Variants in UMODL1 observed in about 807,000 individuals in gnomAD.
UMODL1 encodes the protein uromodulin-like 1.
Under a neutral mutation model 136.3 loss-of-function variants are expected in UMODL1, and 128 were observed. The ratio of observed to expected loss-of-function variants is 0.94; its 90% confidence interval spans 0.81 to 1.09. UMODL1 has a LOEUF of 1.09. Among genes scored for constraint, UMODL1 ranks in the 50% least tolerant of loss-of-function variants. The pLI, the probability that UMODL1 is intolerant of heterozygous loss-of-function variation, is 0.00. For synonymous variants in UMODL1, 721 were observed against 720.0 expected (o/e 1.00, Z -0.02); for missense variants, 1,766 against 1,725.6 (o/e 1.02, Z -0.41).
intron 6 of UMODL1, among the ~76,000 whole-genome samples, chr21:42,098,274 G>GCCTCT (rs1357832115): frequency 1.3e-5 from 2 of 152,176 alleles, no homozygotes. Flanking sequence ...ACACTTGGAT[G>GCCTCT]ACTCCCACCC....
intron 15 of UMODL1, chr21:42,120,759 T>G (rs1370019622): frequency 4.6e-6 from 1 of 219,202 alleles, no homozygotes; most frequent in Non-Finnish European, 8.9e-6. Context: ...CTGGGTCCCT[T>G]GGGCTGGACC....
At chr21:42,068,358 C>T (rs2066200248), upstream of UMODL1, among the ~76,000 whole-genome samples, 1 of 152,172 alleles carries the variant, frequency 6.6e-6, no homozygotes, top group Admixed American at 6.5e-5. The surrounding 1 kb of genome is among the most constrained non-coding windows in gnomAD (Gnocchi z 5.5). Flanking sequence ...TGTTCCCTCC[C>T]CATGCAGGTG....
intron 1 of UMODL1, among the ~76,000 whole-genome samples, chr21:42,065,221 T>C (rs1365053486): frequency 2.0e-5 from 3 of 152,220 alleles, no homozygotes; most frequent in Admixed American, 2.0e-4. Flanking sequence ...CCCTCTGAGT[T>C]TGGCGTCACT....
rs1020683564 is a variant in UMODL1, at chr21:42,084,301, G to A, written c.481+56G>A. On this transcript the variant is annotated intron_variant, in intron 3 of 22. Coordinates refer to ENST00000408910, the MANE Select transcript of UMODL1 (RefSeq NM_001004416.3). ...GGCAGCAAAGGCGGGTCTCGGTGAGGCCTGATCTGTGTGAAGGTGTGGGGG... is the reference window on the plus strand; with the variant it reads ...GGCAGCAAAGGCGGGTCTCGGTGAGACCTGATCTGTGTGAAGGTGTGGGGG... The A allele has an allele frequency of 6.2e-5, 98 of 1,581,984 alleles. No homozygotes were observed. In the African/African-American group the frequency reaches 1.2e-3, roughly 19 times the overall value.
At chr21:42,131,335 C>T (rs576081059) in intron 21 of UMODL1, among the ~76,000 whole-genome samples, 2 of 151,126 alleles carry the variant, frequency 1.3e-5, no homozygotes, top group African/African-American at 2.4e-5. Flanking sequence ...CTGAATGCTG[C>T]TCAGGTCTTG....
At chr21:42,070,897 GTTTTC>G (rs1465856714), upstream of UMODL1, among the ~76,000 whole-genome samples, 3 of 152,230 alleles carry the variant, frequency 2.0e-5, no homozygotes, top group African/African-American at 4.8e-5. Flanking sequence ...ATTTGATGCT[GTTTTC>G]TTCTGCCAGT....
intron 4 of UMODL1, among the ~76,000 whole-genome samples, chr21:42,087,154 T>C (rs955690883): frequency 3.3e-5 from 5 of 152,158 alleles, no homozygotes; most frequent in Admixed American, 1.3e-4. Context: ...CTCGTGCATG[T>C]AGGTTTCATG....
Position 42,084,251 on chromosome 21 carries a change from CT to C in UMODL1, c.481+7del, listed in dbSNP as rs1417853756. 1 of 1,612,452 alleles carries C rather than the reference CT, an allele frequency of 6.2e-7. No homozygotes were observed. The highest frequency in any genetic ancestry group is 2.2e-5 in the East Asian group (1 of 44,828). On this transcript the variant is annotated splice_region_variant and intron_variant, in intron 3 of 22. Transcript: ENST00000408910. ...CATGGCCCCTGCACCCCAAGGTAGG[CT>C]GCTGCGGGCCATGCTTATGGACAGG...
In UMODL1 at chr21:42,103,871, G is replaced by C; in HGVS notation, c.1303G>C (p.Glu435Gln). Residue 435 changes from glutamate to glutamine, a missense_variant, in exon 9 of 23, where the codon GAG becomes CAG. Coordinates refer to ENST00000408910, the MANE Select transcript of UMODL1 (RefSeq NM_001004416.3). ...DFSRQLLHEVESSFPPVVSDL... is the reference protein window; with the variant it reads ...DFSRQLLHEVQSSFPPVVSDL... ...GCTGTTGCCTCTTCTTGGCTAGGTC[G>C]AGAGCTCCTTCCCACCAGTGGTGTC... 6.2e-7 allele frequency: 1 copy of C among 1,614,148 alleles called. No individual in the cohort carries two copies. Among genetic ancestry groups the C allele is most frequent in the African/African-American group, 1.3e-5 (1 of 75,050 alleles).
rs1041258412 is a variant in UMODL1 at position 42,142,260 on chromosome 21, C to G, written c.*186C>G. The G allele has an allele frequency of 1.3e-5, 2 of 152,286 alleles. No homozygotes were observed. The highest frequency in any genetic ancestry group is 6.5e-5 in the Admixed American group (1 of 15,284). 9.4% of individuals were successfully genotyped at this position (152,286 alleles called of 1,614,324 possible). Reference sequence around the variant, plus strand: ...TGGGCTCTGCCAGAGCCCGGGTGAGCCCAGAAAGGAAGACAGCAGCCACCG... The same window carrying G: ...TGGGCTCTGCCAGAGCCCGGGTGAGGCCAGAAAGGAAGACAGCAGCCACCG... On this transcript the variant is annotated 3_prime_UTR_variant, in exon 23 of 23. Transcript: ENST00000408910.
chr21:42,105,318 T>C (rs2066699544), intron 9 of UMODL1, among the ~76,000 whole-genome samples: 1 of 152,064 alleles, frequency 6.6e-6, no homozygotes, highest in Non-Finnish European at 1.5e-5. Context: ...TTCAGGCGGA[T>C]CCAGCCTTCA....
chr21:42,103,666 G>A (rs1286265050), intron 8 of UMODL1: 1 of 706,130 alleles, frequency 1.4e-6, no homozygotes, highest in Non-Finnish European at 2.6e-6. Context: ...ACCAGGCCAG[G>A]CCCGGCCGTC....
In UMODL1 at chr21:42,082,002, G is replaced by A. The variant is rs779093417; in HGVS notation, c.320-2082G>A. ...CACCCAACGTTCATTTTTCATGCAC[G>A]GCCATCGGTAGAGCTGCCTGGATGA... On this transcript the variant is annotated intron_variant, in intron 2 of 22. Coordinates refer to ENST00000408910, the MANE Select transcript of UMODL1 (RefSeq NM_001004416.3). Among the ~76,000 whole-genome samples the A allele has an allele frequency of 5.3e-5, 8 of 152,276 alleles. No homozygotes were observed. The East Asian group carries it at 7.7e-4, about 15-fold the overall frequency.
At chr21:42,088,977 A>T (rs1253309045) in intron 5 of UMODL1, among the ~76,000 whole-genome samples, 1 of 152,130 alleles carries the variant, frequency 6.6e-6, no homozygotes, top group Non-Finnish European at 1.5e-5. Flanking sequence ...CTGGCAAAGC[A>T]CATAGACGTG....
chr21:42,085,234 C>T lies in UMODL1; in HGVS notation c.482-57C>T. ...CCTGCCCCCTCTCCCACCCCAGCAGCTTTTGTGACTTCAACCTGTCCTGGG... is the reference window on the plus strand; with the variant it reads ...CCTGCCCCCTCTCCCACCCCAGCAGTTTTTGTGACTTCAACCTGTCCTGGG... On this transcript the variant is annotated intron_variant, in intron 3 of 22. Coordinates refer to ENST00000408910, the MANE Select transcript of UMODL1 (RefSeq NM_001004416.3). The surrounding 1 kb of genome is among the most constrained non-coding windows in gnomAD (Gnocchi z 4.5). 1 of 1,584,862 alleles carries T rather than the reference C, an allele frequency of 6.3e-7. No homozygotes were observed. The highest frequency in any genetic ancestry group is 8.6e-7 in the Non-Finnish European group (1 of 1,162,334).
chr21:42,107,798 C>T (rs1220458285), intron 9 of UMODL1, among the ~76,000 whole-genome samples: 1 of 152,176 alleles, frequency 6.6e-6, no homozygotes, highest in Non-Finnish European at 1.5e-5. Flanking sequence ...GGACCCTCTC[C>T]AGCTTGTTGT....
chr21:42,127,930 C>A lies in UMODL1; in HGVS notation c.3690+99C>A. On this transcript the variant is annotated intron_variant, in intron 20 of 22. Coordinates refer to ENST00000408910, the MANE Select transcript of UMODL1 (RefSeq NM_001004416.3). ...ATAAAAACCTAGGGCTCGAGTGGCT[C>A]GGGGCCAACCTCTGGGAGGAGTCGC... is the stretch of plus-strand genomic sequence containing the variant. 2.7e-6 allele frequency: 4 copies of A among 1,503,716 alleles called. No homozygotes were observed. The South Asian group carries it at 4.6e-5, about 17-fold the overall frequency. 93.1% of individuals were successfully genotyped at this position (1,503,716 alleles called of 1,614,324 possible). A position where few individuals can be genotyped will look rare whatever the true frequency, so the allele number is the denominator to read the frequency against.
chr21:42,128,426 G>T (rs1461573416), intron 20 of UMODL1, among the ~76,000 whole-genome samples: 1 of 152,202 alleles, frequency 6.6e-6, no homozygotes, highest in Non-Finnish European at 1.5e-5. Flanking sequence ...ACAGCTTAGG[G>T]AGCTCCGCTG....
chr21:42,076,263 C>A lies in UMODL1; in HGVS notation c.319+16C>A. ...TGTGTCTTGCGTGAGTCCAGGGCTG[C>A]TGGGCTGGGGCGGGGCCACCCTTGC... On this transcript the variant is annotated intron_variant, in intron 2 of 22. Transcript: ENST00000408910. 6.2e-7 allele frequency: 1 copy of A among 1,612,790 alleles called. No homozygotes were observed. The highest frequency in any genetic ancestry group is 8.5e-7 in the Non-Finnish European group (1 of 1,178,906).
Sources: gnomAD v4.1 joint callset for allele counts (sites outside exome capture counted in the v4.1 genomes callset) on GRCh38, gnomAD v4.1.1 for gene constraint, Gnocchi (gnomAD v3.1) non-coding constraint, MANE v1.5 for transcripts, NCBI Gene and HGNC (gene_info 2026-07-23, HGNC 2026-07-21) for gene names.